The following CELF2 variants were observed in gnomAD, a reference collection of about 807,000 sequenced individuals.
CELF2 encodes CUGBP Elav-like family member 2.
In CELF2, 8 loss-of-function variants were observed where a neutral mutation model predicts 62.6. That is an observed-to-expected ratio of 0.13 (90% CI 0.07 to 0.23). The LOEUF is 0.23. CELF2 is among the 10% of genes least tolerant of loss of function. The probability of loss-of-function intolerance (pLI) is 1.00; values close to 1 mark genes in which losing one functional copy is unlikely to be tolerated. For synonymous variants in CELF2, 258 were observed against 250.0 expected, an observed-to-expected ratio of 1.03 and a Z score of -0.30; for missense variants, 333 against 671.0, an observed-to-expected ratio of 0.50 and a Z score of 5.56.
chr10:11,265,377 G>C, intron 5 of CELF2, among the ~76,000 whole-genome samples: 1 of 152,200 alleles, frequency 6.6e-6, no homozygotes, highest in Non-Finnish European at 1.5e-5. Flanking sequence ...ATAATGTTTT[G>C]AGGAAATTGA....
the CELF2 span, among the ~76,000 whole-genome samples, chr10:10,740,046 T>C: frequency 6.6e-6 from 1 of 152,150 alleles, no homozygotes; most frequent in South Asian, 2.1e-4. Context: ...TTTGCAAATA[T>C]TTTCTCTCAA....
intron 1 of CELF2, among the ~76,000 whole-genome samples, chr10:10,817,757 A>G (rs2056601414): frequency 6.6e-6 from 1 of 152,222 alleles, no homozygotes; most frequent in South Asian, 2.1e-4. Flanking sequence ...AATCTTAGCT[A>G]TTGTAAACAG....
At chr10:10,533,423 G>C in the CELF2 span, among the ~76,000 whole-genome samples, 1 of 152,092 alleles carries the variant, frequency 6.6e-6, no homozygotes, top group Non-Finnish European at 1.5e-5. Context: ...ACATAGGAAG[G>C]TACACTAATA....
chr10:10,750,368 T>A, the CELF2 span, among the ~76,000 whole-genome samples: 1 of 151,874 alleles, frequency 6.6e-6, no homozygotes, highest in Non-Finnish European at 1.5e-5. Flanking sequence ...GTTAGTGTAG[T>A]ATTTGGTTAG....
the CELF2 span, among the ~76,000 whole-genome samples, chr10:10,558,815 A>G: frequency 6.6e-6 from 1 of 152,076 alleles, no homozygotes; most frequent in Non-Finnish European, 1.5e-5. Flanking sequence ...TTTTCTAGTT[A>G]TTTGCCTAGA....
rs551448545 is a variant in CELF2, at chr10:11,207,539, A to G, written c.272-9886A>G. On this transcript the variant is annotated intron_variant, in intron 2 of 12. Transcript: ENST00000633077. The surrounding 1 kb of genome is among the most constrained non-coding windows in gnomAD (Gnocchi z 4.1). The stretch of plus-strand genomic sequence containing the variant: ...TGTCTGCGAGGAATCTTGCAGGGAA[A>G]GTGAGGAAGGATGTTGGTGGAGCAT... 2.0e-5 allele frequency among the ~76,000 whole-genome samples: 3 copies of G among 152,386 alleles called. No homozygotes were observed. Among genetic ancestry groups the G allele is most frequent in the Admixed American group, 2.0e-4 (3 of 15,312 alleles).
chr10:10,592,853 C>T, the CELF2 span, among the ~76,000 whole-genome samples: 5 of 152,062 alleles, frequency 3.3e-5, no homozygotes, highest in East Asian at 7.7e-4. Context: ...GGGGAGTAGA[C>T]CCATGAACAA....
chr10:10,748,092 G>A, the CELF2 span, among the ~76,000 whole-genome samples: 1 of 152,088 alleles, frequency 6.6e-6, no homozygotes, highest in Non-Finnish European at 1.5e-5. Context: ...AGGGTGGGGG[G>A]AATAAACAGA....
At chr10:11,122,354 A>C (rs2057922431) in intron 1 of CELF2, among the ~76,000 whole-genome samples, 1 of 152,200 alleles carries the variant, frequency 6.6e-6, no homozygotes, top group Non-Finnish European at 1.5e-5. Context: ...ACCACTTACT[A>C]ATCAGTTTAG....
At chr10:10,914,547 G>T (rs929530800) in intron 1 of CELF2, among the ~76,000 whole-genome samples, 1 of 151,962 alleles carries the variant, frequency 6.6e-6, no homozygotes. Context: ...TATCTTTTTC[G>T]GGATTTTTTT....
chr10:10,561,976 G>C, the CELF2 span, among the ~76,000 whole-genome samples: 6 of 152,086 alleles, frequency 3.9e-5, no homozygotes, highest in African/African-American at 1.4e-4. Flanking sequence ...AGAGTGATGC[G>C]ATACCAGGAT....
the CELF2 span, among the ~76,000 whole-genome samples, chr10:10,558,778 C>T: frequency 2.6e-5 from 4 of 152,058 alleles, no homozygotes; most frequent in East Asian, 1.9e-4. Context: ...GTGTATGTGT[C>T]GAGGAAATTT....
At chr10:10,866,895 G>C (rs1422479932) in intron 1 of CELF2, among the ~76,000 whole-genome samples, 2 of 147,450 alleles carry the variant, frequency 1.4e-5, no homozygotes, top group Non-Finnish European at 3.0e-5. Context: ...ACTCCAGCCT[G>C]GGTGACAAGA....
the CELF2 span, among the ~76,000 whole-genome samples, chr10:10,764,802 T>C: frequency 6.6e-6 from 1 of 152,190 alleles, no homozygotes; most frequent in Admixed American, 6.5e-5. Flanking sequence ...TCTAGGCTCT[T>C]GTACCCCACC....
the CELF2 span, among the ~76,000 whole-genome samples, chr10:10,760,278 C>G: frequency 1.3e-5 from 2 of 152,138 alleles, no homozygotes; most frequent in Non-Finnish European, 2.9e-5. Context: ...CTGTCCTACC[C>G]CAGTCCCCCT....
the CELF2 span, among the ~76,000 whole-genome samples, chr10:10,733,204 C>T: frequency 1.3e-5 from 2 of 152,170 alleles, no homozygotes; most frequent in Admixed American, 6.5e-5. Flanking sequence ...TACACCCGGG[C>T]CATTGAAGCG....
the CELF2 span, among the ~76,000 whole-genome samples, chr10:10,761,035 G>C: frequency 6.6e-6 from 1 of 152,042 alleles, no homozygotes; most frequent in Non-Finnish European, 1.5e-5. Flanking sequence ...GCATAGATAT[G>C]GTATTGTCCC....
the CELF2 span, among the ~76,000 whole-genome samples, chr10:10,785,087 A>C: frequency 6.6e-6 from 1 of 152,254 alleles, no homozygotes; most frequent in South Asian, 2.1e-4. Flanking sequence ...GTCAAATATA[A>C]GATGAATATG....
the CELF2 span, among the ~76,000 whole-genome samples, chr10:10,489,229 T>C: frequency 6.6e-6 from 1 of 152,036 alleles, no homozygotes; most frequent in Non-Finnish European, 1.5e-5. Context: ...CTAACAAAAA[T>C]GAAACCTCAC....
Sources: allele counts gnomAD v4.1 joint callset (sites outside exome capture counted in the v4.1 genomes callset), GRCh38; gene constraint gnomAD v4.1.1; non-coding constraint Gnocchi (gnomAD v3.1); transcripts MANE v1.5; gene names NCBI Gene and HGNC (gene_info 2026-07-23, HGNC 2026-07-21).